The following RND1 variants were observed in gnomAD, a reference collection of about 807,000 sequenced individuals.
RND1 encodes rho-related GTP-binding protein Rho6.
A neutral mutation model predicts 27.1 loss-of-function variants in RND1; 9 were observed. The observed-to-expected ratio is 0.33, with a 90% CI of 0.20 to 0.58. The LOEUF (loss-of-function observed/expected upper bound fraction) is 0.58, where lower values mean the gene tolerates loss of function less well. Among genes scored for constraint, RND1 ranks in the 20% least tolerant of loss-of-function variants. The pLI, the probability that RND1 is intolerant of heterozygous loss-of-function variation, is 0.86. For synonymous variants in RND1, 108 were observed against 115.7 expected, an observed-to-expected ratio of 0.93 and a Z score of 0.43; for missense variants, 253 against 292.2, an observed-to-expected ratio of 0.87 and a Z score of 0.98.
chr12:48,864,719 AAGAC>A (rs1475759628), intron 2 of RND1, 60 bp downstream of exon 2: 5 of 1,212,616 alleles, frequency 4.1e-6, no homozygotes, highest in Non-Finnish European at 6.1e-6. Context: ...CAATTTCTAA[AAGAC>A]AGCAGCTACA....
At chr12:48,861,873 G>T in intron 3 of RND1, 136 bp downstream of exon 3, 1 of 679,872 alleles carries the variant, frequency 1.5e-6, no homozygotes, top group East Asian at 2.8e-5. Context: ...GTAGCTAATG[G>T]TGTGGCCTTG....
At chr12:48,864,408 TGTGTGTGTGC>T (rs1173168789) in intron 2 of RND1, among the ~76,000 whole-genome samples, 75 of 121,378 alleles carry the variant, frequency 6.2e-4, no homozygotes, top group African/African-American at 1.9e-3. Flanking sequence ...TGTGTGTGTG[TGTGTGTGTGC>T]GCGCGCGCGC....
At chr12:48,862,652 A>C (rs942154191) in intron 2 of RND1, among the ~76,000 whole-genome samples, 30 of 152,200 alleles carry the variant, frequency 2.0e-4, no homozygotes, top group African/African-American at 6.8e-4. Flanking sequence ...CCACCCACCC[A>C]GATCGGCTTA....
rs3782361 is a variant in RND1 at position 48,863,262 on chromosome 12, G to A, written c.209-1144C>T. On this transcript the variant is annotated intron_variant, in intron 2 of 4. Transcript: ENST00000309739. Reference sequence around the variant, plus strand: ...CATGGCCACTTCCTCCTTCCTTATGGGAACCTAATCTGAAAGAGGGAGTTT... The same window carrying A: ...CATGGCCACTTCCTCCTTCCTTATGAGAACCTAATCTGAAAGAGGGAGTTT... Among the ~76,000 whole-genome samples the A allele has an allele frequency of 2.0e-3, 298 of 152,274 alleles. 12 individuals carry two copies. In the East Asian group the frequency reaches 0.052, roughly 27 times the overall value.
At chr12:48,861,386 G>C (rs1436862061) in intron 3 of RND1, among the ~76,000 whole-genome samples, 1 of 152,166 alleles carries the variant, frequency 6.6e-6, no homozygotes, top group Admixed American at 6.5e-5. Flanking sequence ...ACCAGAGAGG[G>C]CACAAGGGCA....
chr12:48,864,903 A>G lies in RND1; in HGVS notation c.121-33T>C, dbSNP rs781091523. 4 of 1,496,594 alleles carry G rather than the reference A, an allele frequency of 2.7e-6. No homozygotes were observed. In the South Asian group the frequency reaches 4.5e-5, roughly 17 times the overall value. The allele number at this position is 1,496,594 out of a possible 1,614,324, so 92.7% of individuals were successfully genotyped here. On this transcript the variant is annotated intron_variant, in intron 1 of 4. Transcript: ENST00000309739. ...AAGAGAGGAAACATTCACCCCATGC[A>G]CCCCTACCCTCAGATCCCCTGGTTA...
chr12:48,865,626 AGCGG>A lies in RND1; in HGVS notation c.120+18_120+21del, dbSNP rs1565684307. The A allele has an allele frequency of 6.2e-7, 1 of 1,603,312 alleles. No homozygotes were observed. ...GGGCAGGCAGGGAGAAAAGCCGGCC[AGCGG>A]GCGGGCGGGCAGCTCACCTCTGGAT... On this transcript the variant is annotated intron_variant, in intron 1 of 4. Transcript: ENST00000309739.
chr12:48,861,010 A>G lies in RND1; in HGVS notation c.440T>C (p.Ile147Thr), dbSNP rs1429415333. ...ATGCGCACACACCTGCTCATAGGAG[A>G]TGGGCGCCTGCTTCTGGTGGGACAG... ...MELSHQKQAPISYEQGCAIAK... is the reference protein window; with the variant it reads ...MELSHQKQAPTSYEQGCAIAK... The change falls in exon 4 of 5, where the codon ATC (isoleucine) becomes ACC (threonine). Residue 147 changes from isoleucine (I) to threonine (T), a missense_variant. Physicochemically the swap from Ile to Thr is moderately conservative, Grantham distance 89. Transcript: ENST00000309739. 1.9e-6 allele frequency: 3 copies of G among 1,613,502 alleles called. No homozygotes were observed. Among genetic ancestry groups the G allele is most frequent in the Admixed American group, 1.7e-5 (1 of 60,022 alleles).
At position 48,858,252 on chromosome 12, in the gene RND1, G is replaced by A. The variant is rs779031538; in HGVS notation, c.454-11C>T. The A allele has an allele frequency of 5.6e-5, 90 of 1,612,840 alleles. No individual in the cohort carries two copies. The highest frequency in any genetic ancestry group is 1.7e-6 in the Non-Finnish European group (2 of 1,179,470). On this transcript the variant is annotated splice_polypyrimidine_tract_variant and intron_variant, in intron 4 of 4. Transcript: ENST00000309739. ...TGCTATTGCACAACCCTGCAGGAGG[G>A]GGTGAGGGCATTAATGCAGTGGGCC...
intron 3 of RND1, among the ~76,000 whole-genome samples, chr12:48,861,779 C>T (rs1444729703): frequency 6.6e-6 from 1 of 152,206 alleles, no homozygotes; most frequent in Non-Finnish European, 1.5e-5. Context: ...CCCTCCCTTG[C>T]GGGGCCTCTG....
chr12:48,860,888 A>T, intron 4 of RND1, 109 bp downstream of exon 4: 1 of 1,496,584 alleles, frequency 6.7e-7, no homozygotes, highest in Admixed American at 1.7e-5. Flanking sequence ...TTATAACAGC[A>T]ATTCTCTCTT....
chr12:48,858,726 A>G (rs1297302411), intron 4 of RND1: 1 of 152,888 alleles, frequency 6.5e-6, no homozygotes, highest in Non-Finnish European at 1.5e-5. Flanking sequence ...ACACTTTTAA[A>G]AAATGTTTAA....
At chr12:48,864,692 C>T (rs1592211327) in intron 2 of RND1, 91 bp downstream of exon 2, 1 of 987,460 alleles carries the variant, frequency 1.0e-6, no homozygotes, top group Non-Finnish European at 1.6e-6. Flanking sequence ...TTCACTTCTC[C>T]CCACCAAAGG....
intron 4 of RND1, among the ~76,000 whole-genome samples, chr12:48,860,394 T>C (rs902144036): frequency 1.3e-5 from 2 of 151,794 alleles, no homozygotes; most frequent in African/African-American, 4.8e-5. Flanking sequence ...CCCTCCTCCT[T>C]TTCTTTTTTT....
chr12:48,859,546 C>T (rs2137507073), intron 4 of RND1, among the ~76,000 whole-genome samples: 1 of 151,932 alleles, frequency 6.6e-6, no homozygotes. Context: ...GTCCCCCAAC[C>T]CTATGCTCTC....
Position 48,857,825 on chromosome 12 carries a change from A to C in RND1, c.*171T>G, listed in dbSNP as rs1297148930. On this transcript the variant is annotated 3_prime_UTR_variant, in exon 5 of 5. Coordinates refer to ENST00000309739, the MANE Select transcript of RND1 (RefSeq NM_014470.4). ...GGTTCTCTCTCAGCGTCAGGTCCTC[A>C]TGCCGGGCCTGGCTCCTTCCTCGCC... 5 of 695,972 alleles carry C rather than the reference A, an allele frequency of 7.2e-6. No homozygotes were observed. Among genetic ancestry groups the C allele is most frequent in the Non-Finnish European group, 1.1e-5 (5 of 451,034 alleles). 43.1% of individuals were successfully genotyped at this position (695,972 alleles called of 1,614,324 possible).
intron 2 of RND1, among the ~76,000 whole-genome samples, chr12:48,862,877 C>T (rs943439316): frequency 4.6e-5 from 7 of 152,022 alleles, no homozygotes; most frequent in Non-Finnish European, 8.8e-5. Flanking sequence ...GGAGCAGTAG[C>T]GGATTTGGAA....
intron 4 of RND1, 137 bp from the exon 5 acceptor site, chr12:48,858,378 G>C: frequency 2.5e-6 from 2 of 799,902 alleles, no homozygotes; most frequent in Non-Finnish European, 3.6e-6. Context: ...CAGATTATTC[G>C]ATTATCTTTT....
In RND1 at chr12:48,861,079, C is replaced by A; in HGVS notation, c.371G>T (p.Gly124Val). The change falls in exon 4 of 5, where the codon GGC (glycine) becomes GTC (valine). Residue 124 changes from glycine (G) to valine (V), a missense_variant. Gly to Val is a moderately radical substitution (Grantham distance 109). Coordinates refer to ENST00000309739, the MANE Select transcript of RND1 (RefSeq NM_014470.4). ...YCPSTRVLLI[G>V]CKTDLRTDLS... ...GTCTGTTCGCAGGTCTGTCTTGCAG[C>A]CAATGAGCAAAACGCGGGTGCTGGG... 2 of 1,614,064 alleles carry A rather than the reference C, an allele frequency of 1.2e-6. No individual in the cohort carries two copies. The highest frequency in any genetic ancestry group is 8.5e-7 in the Non-Finnish European group (1 of 1,180,004).
Sources: gnomAD v4.1 joint callset for allele counts (sites outside exome capture counted in the v4.1 genomes callset) on GRCh38, gnomAD v4.1.1 for gene constraint, MANE v1.5 for transcripts, NCBI Gene and HGNC (gene_info 2026-07-23, HGNC 2026-07-21) for gene names.